The following COL11A1 variants were observed in gnomAD, a reference collection of about 807,000 sequenced individuals.
COL11A1 encodes the protein collagen alpha-1(XI) chain.
A neutral mutation model predicts 265.2 loss-of-function variants in COL11A1; 74 were observed. That is an observed-to-expected ratio of 0.28 (90% CI 0.23 to 0.34). The LOEUF is 0.34. Ranked by LOEUF, COL11A1 falls within the 10% of genes least tolerant of loss-of-function variation. The pLI, the probability that COL11A1 is intolerant of heterozygous loss-of-function variation, is 1.00. For synonymous variants in COL11A1, 816 were observed against 727.6 expected, an observed-to-expected ratio of 1.12 and a Z score of -1.96; for missense variants, 2,165 against 2,263.6, an observed-to-expected ratio of 0.96 and a Z score of 0.88.
chr1:102,916,746 A>T (rs12125551), intron 49 of COL11A1, among the ~76,000 whole-genome samples: 9,005 of 152,012 alleles, frequency 0.059, 323 homozygotes, highest in Non-Finnish European at 0.085. Context: ...AGAGTTTATT[A>T]TAAGTAGTGT....
At chr1:102,995,608 A>C (rs1056588582) in intron 28 of COL11A1, among the ~76,000 whole-genome samples, 16 of 123,532 alleles carry the variant, frequency 1.3e-4, no homozygotes, top group Non-Finnish European at 1.8e-5. Flanking sequence ...AGCACATGTA[A>C]AAAAAAAAAA....
rs146046288 is a variant in COL11A1 at position 102,994,426 on chromosome 1, C to A, written c.2340+1438G>T. Among the ~76,000 whole-genome samples the A allele has an allele frequency of 4.9e-3, 741 of 152,176 alleles. 7 individuals are homozygous for A. Among genetic ancestry groups the A allele is most frequent in the African/African-American group, 0.017 (715 of 41,532 alleles). The stretch of plus-strand genomic sequence containing the variant: ...AAGCATGTGGCACCTTCTTCACCCC[C>A]TCCTGCTCCTGCTCCCAGCACATAG... On this transcript the variant is annotated intron_variant, in intron 28 of 66. Transcript: ENST00000370096.
chr1:102,900,571 TACAAACATGA>T (rs1457620596), intron 54 of COL11A1, among the ~76,000 whole-genome samples: 1 of 152,170 alleles, frequency 6.6e-6, no homozygotes, highest in Non-Finnish European at 1.5e-5. Context: ...AGATTGCATT[TACAAACATGA>T]AGTTTATAGT....
chr1:103,102,908 G>A (rs2376280), intron 1 of COL11A1, among the ~76,000 whole-genome samples: 77,006 of 151,708 alleles, frequency 0.51, 22,103 homozygotes, highest in East Asian at 0.92. Context: ...TAAATTTTGA[G>A]ATAGAAAATC....
intron 46 of COL11A1, among the ~76,000 whole-genome samples, chr1:102,927,454 C>T (rs1258662425): frequency 2.6e-5 from 4 of 152,220 alleles, no homozygotes; most frequent in East Asian, 3.9e-4. Context: ...CAGTGGCTCA[C>T]GCCTGTAATC....
chr1:102,893,260 T>C (rs1471414415), intron 57 of COL11A1, among the ~76,000 whole-genome samples: 1 of 152,152 alleles, frequency 6.6e-6, no homozygotes, highest in East Asian at 1.9e-4. Flanking sequence ...TTAGACATTA[T>C]TTGTGTTTTA....
intron 41 of COL11A1, 177 bp downstream of exon 41, chr1:102,961,689 C>A: frequency 1.6e-6 from 1 of 616,390 alleles, no homozygotes; most frequent in Non-Finnish European, 2.9e-6. Flanking sequence ...CATCCAAACC[C>A]TTCTGTTTCT....
chr1:103,043,004 T>A (rs1050701779), intron 4 of COL11A1, among the ~76,000 whole-genome samples: 1 of 140,468 alleles, frequency 7.1e-6, no homozygotes, highest in Non-Finnish European at 1.6e-5. Context: ...ATTAAATACA[T>A]CATATATATG....
At chr1:103,083,501 T>C (rs1190096391) in intron 1 of COL11A1, among the ~76,000 whole-genome samples, 1 of 152,090 alleles carries the variant, frequency 6.6e-6, no homozygotes, top group African/African-American at 2.4e-5. Flanking sequence ...AAATGTACAA[T>C]GGATGTTATA....
At chr1:103,090,149 T>C (rs554961772) in intron 1 of COL11A1, among the ~76,000 whole-genome samples, 18 of 150,918 alleles carry the variant, frequency 1.2e-4, no homozygotes, top group Admixed American at 2.0e-4. Flanking sequence ...AAATAAATAA[T>C]AAAATAAAAT....
intron 4 of COL11A1, among the ~76,000 whole-genome samples, chr1:103,054,031 G>A (rs959642105): frequency 6.6e-6 from 1 of 152,080 alleles, no homozygotes; most frequent in Admixed American, 6.6e-5. Context: ...GGTATCCCCT[G>A]AGATTTTCAC....
chr1:103,001,580 C>T (rs2101825421), intron 24 of COL11A1: 1 of 458,622 alleles, frequency 2.2e-6, no homozygotes, highest in East Asian at 3.2e-5. Flanking sequence ...AATCTTTTGT[C>T]ACAAGCAAAC....
At chr1:103,107,837 C>A (rs1674829504) in intron 1 of COL11A1, among the ~76,000 whole-genome samples, 1 of 152,124 alleles carries the variant, frequency 6.6e-6, no homozygotes, top group Non-Finnish European at 1.5e-5. Flanking sequence ...CTCCTCCTGA[C>A]AGATCTTTTT....
chr1:103,008,201 C>T (rs1665800531), intron 15 of COL11A1, among the ~76,000 whole-genome samples: 1 of 152,104 alleles, frequency 6.6e-6, no homozygotes, highest in Non-Finnish European at 1.5e-5. Context: ...AGTATTTTTA[C>T]ACGATTCCCA....
chr1:103,108,266 A>T lies in COL11A1; in HGVS notation c.-88T>A. The T allele has an allele frequency of 1.0e-6, 1 of 998,572 alleles. No individual in the cohort carries two copies. Among genetic ancestry groups the T allele is most frequent in the Non-Finnish European group, 1.6e-6 (1 of 631,212 alleles). 61.9% of individuals were successfully genotyped at this position (998,572 alleles called of 1,614,324 possible). ...CGTCCTTTCCAAGGTATCGCCAGGGATGTTTGCTACACAGCCATTGGGGAG... is the reference window on the plus strand; with the variant it reads ...CGTCCTTTCCAAGGTATCGCCAGGGTTGTTTGCTACACAGCCATTGGGGAG... On this transcript the variant is annotated 5_prime_UTR_variant, in exon 1 of 67. Transcript: ENST00000370096.
chr1:102,939,087 C>T lies in COL11A1; in HGVS notation c.3386G>A (p.Gly1129Asp). ...AGSPGEDGDK[G>D]EIGEPGQKGS... ...TTTTTGTCCCGGCTCACCAATTTCA[C>T]CCTGAAATTGAAAGATTTGACTTAG... Residue 1129 changes from glycine (G) to aspartate (D), a missense_variant and splice_region_variant, in exon 44 of 67, where the codon GGT becomes GAT. Gly to Asp is a moderately conservative substitution (Grantham distance 94, BLOSUM62 -1). Coordinates refer to ENST00000370096, the MANE Select transcript of COL11A1 (RefSeq NM_001854.4). 1 of 1,613,206 alleles carries T rather than the reference C, an allele frequency of 6.2e-7. No individual in the cohort carries two copies. The highest frequency in any genetic ancestry group is 8.5e-7 in the Non-Finnish European group (1 of 1,179,388).
At chr1:102,884,805 C>T (rs1040937332) in intron 63 of COL11A1, among the ~76,000 whole-genome samples, 4 of 152,122 alleles carry the variant, frequency 2.6e-5, no homozygotes, top group African/African-American at 4.8e-5. Context: ...TCCAGTCGTC[C>T]GCTTGACCCT....
chr1:102,955,126 T>C (rs1051872760), intron 41 of COL11A1, among the ~76,000 whole-genome samples: 1 of 152,154 alleles, frequency 6.6e-6, no homozygotes, highest in Admixed American at 6.5e-5. Flanking sequence ...GAAAATGGAC[T>C]TTATCTTAAA....
chr1:102,934,347 T>G lies in COL11A1; in HGVS notation c.3600+102A>C. 3 of 778,640 alleles carry G rather than the reference T, an allele frequency of 3.9e-6. 1 individual carries two copies. The South Asian group carries it at 4.6e-5, about 12-fold the overall frequency. 48.2% of individuals were successfully genotyped at this position (778,640 alleles called of 1,614,324 possible). On this transcript the variant is annotated intron_variant, in intron 46 of 66. Transcript: ENST00000370096. ...TGGATAAACATTGTACCCAAGTTCT[T>G]ACGTAGAAAAAAAGAAAAAAATACT... is the stretch of plus-strand genomic sequence containing the variant.
Sources: gnomAD v4.1 joint callset for allele counts (sites outside exome capture counted in the v4.1 genomes callset) on GRCh38, gnomAD v4.1.1 for gene constraint, MANE v1.5 for transcripts, NCBI Gene and HGNC (gene_info 2026-07-23, HGNC 2026-07-21) for gene names.